LOXL4: variants seen among roughly 807,000 people sequenced by gnomAD.
LOXL4 encodes the protein lysyl oxidase homolog 4.
Under a neutral mutation model 89.1 loss-of-function variants are expected in LOXL4, and 72 were observed. The ratio of observed to expected loss-of-function variants is 0.81; its 90% CI spans 0.67 to 0.98. The LOEUF (loss-of-function observed/expected upper bound fraction) is 0.98. Ranked by LOEUF, LOXL4 falls within the 50% of genes least tolerant of loss-of-function variation. The probability of loss-of-function intolerance (pLI) is 0.00; values close to 1 mark genes in which losing one functional copy is unlikely to be tolerated. For missense variants in LOXL4, 984 were observed against 1,017.5 expected (o/e 0.97, Z 0.45); for synonymous variants, 355 against 392.1 (o/e 0.91, Z 1.12).
At chr10:98,251,844 A>G (rs1405392683) in intron 12 of LOXL4, 142 bp from the exon 13 acceptor site, 5 of 940,104 alleles carry the variant, frequency 5.3e-6, no homozygotes, top group Non-Finnish European at 7.7e-6. Flanking sequence ...TGAATCCAGC[A>G]CCATAGCAAA....
intron 1 of LOXL4, among the ~76,000 whole-genome samples, chr10:98,263,986 C>T (rs954078048): frequency 6.6e-6 from 1 of 151,956 alleles, no homozygotes; most frequent in Admixed American, 6.6e-5. Context: ...CCGCCTTGGC[C>T]TCCCAAAGTG....
intron 10 of LOXL4, among the ~76,000 whole-genome samples, chr10:98,254,511 A>G (rs186594099): frequency 6.6e-6 from 1 of 152,334 alleles, no homozygotes; most frequent in African/African-American, 2.4e-5. Context: ...CCACTGACAA[A>G]CCTAGAGTTT....
Position 98,262,763 on chromosome 10 carries a change from G to A in LOXL4, c.257C>T (p.Ala86Val). The change falls in exon 2 of 15, where the codon GCC becomes GTC. Residue 86 changes from alanine (A) to valine (V), a missense_variant. Transcript: ENST00000260702. ...CTCACCCTCCCCTTGGCCGTACTTG[G>A]CACTGTGGGCCCAGGTCAAGGCAGC... is the stretch of plus-strand genomic sequence containing the variant. The part of the protein sequence containing the change: ...FEAALTWAHS[A>V]KYGQGEGPIW... 1 of 1,613,148 alleles carries A rather than the reference G, an allele frequency of 6.2e-7. No individual in the cohort carries two copies. Among genetic ancestry groups the A allele is most frequent in the Non-Finnish European group, 8.5e-7 (1 of 1,179,892 alleles).
intron 14 of LOXL4, among the ~76,000 whole-genome samples, chr10:98,249,401 A>G (rs1030357180): frequency 2.0e-5 from 3 of 152,058 alleles, no homozygotes; most frequent in African/African-American, 7.2e-5. Flanking sequence ...TCCTTCCCCT[A>G]CTTTGGCCCT....
chr10:98,266,193 G>A (rs1858681452), intron 1 of LOXL4, among the ~76,000 whole-genome samples: 1 of 152,170 alleles, frequency 6.6e-6, no homozygotes, highest in African/African-American at 2.4e-5. Flanking sequence ...TCAGCTATTA[G>A]GACCCAGTGG....
chr10:98,253,848 T>G (rs756514953), intron 10 of LOXL4, 52 bp from the exon 11 acceptor site: 7 of 1,607,962 alleles, frequency 4.4e-6, no homozygotes, highest in Non-Finnish European at 5.9e-6. Flanking sequence ...AGGCAGCCAG[T>G]CTTAGTCTCC....
chr10:98,260,221 C>T (rs546818793), intron 4 of LOXL4, among the ~76,000 whole-genome samples: 1 of 152,324 alleles, frequency 6.6e-6, no homozygotes, highest in African/African-American at 2.4e-5. Context: ...CTCACTTACA[C>T]ACAACCCAGT....
chr10:98,260,972 G>T lies in LOXL4; in HGVS notation c.612C>A (p.Cys204Ter), dbSNP rs778782990. The change falls in exon 4 of 15, where the codon TGC becomes TGA. Residue 204 changes from cysteine (C) to a stop codon, truncating the protein, a stop_gained. Coordinates refer to ENST00000260702, the MANE Select transcript of LOXL4 (RefSeq NM_032211.7). LOFTEE classifies it high-confidence loss of function. Reference protein sequence around the residue: ...GWTMNNSRVVCGMLGFPSEVP... With the variant: ...GWTMNNSRVV ...CCTCGCTGGGGAAGCCCAGCATCCC[G>T]CACACCACCCTGCTGTTGTTCATGG... 2 of 1,613,746 alleles carry T rather than the reference G, an allele frequency of 1.2e-6. No homozygotes were observed. Among genetic ancestry groups the T allele is most frequent in the South Asian group, 2.2e-5 (2 of 91,060 alleles).
At position 98,259,929 on chromosome 10, in the gene LOXL4, A is replaced by T. The variant is rs139803744; in HGVS notation, c.663-500T>A. On this transcript the variant is annotated intron_variant, in intron 4 of 14. Coordinates refer to ENST00000260702, the MANE Select transcript of LOXL4 (RefSeq NM_032211.7). The stretch of plus-strand genomic sequence containing the variant: ...AGGATGGAGCCAGAGGCTGACCAGC[A>T]CCCCTGTTTCCTCAGAACGGGGTTC... Among the ~76,000 whole-genome samples the T allele has an allele frequency of 7.8e-3, 1,182 of 152,236 alleles. 9 individuals carry two copies. The highest frequency in any genetic ancestry group is 0.013 in the Non-Finnish European group (872 of 68,014).
chr10:98,262,085 G>T lies in LOXL4; in HGVS notation c.406C>A (p.Arg136Ser), dbSNP rs74153546. The change falls in exon 3 of 15, where the codon CGC (arginine) becomes AGC (serine). Residue 136 changes from arginine to serine, a missense_variant. Arg to Ser is a moderately radical substitution (Grantham distance 110). Coordinates refer to ENST00000260702, the MANE Select transcript of LOXL4 (RefSeq NM_032211.7). ...GTTTCAGAAAGGTAGCCACGATGGCGCCGGGGGTGGCATATCACCCCTACG... is the reference window on the plus strand; with the variant it reads ...GTTTCAGAAAGGTAGCCACGATGGCTCCGGGGGTGGCATATCACCCCTACG... Reference protein sequence around the residue: ...EDVGVICHPRRHRGYLSETVS... With the variant: ...EDVGVICHPRSHRGYLSETVS... The T allele has an allele frequency of 8.5e-4, 1,376 of 1,612,232 alleles. 12 individuals are homozygous for T. In the African/African-American group the frequency reaches 0.017, roughly 20 times the overall value.
At position 98,248,579 on chromosome 10, in the gene LOXL4, G is replaced by A. The variant is rs1290901364; in HGVS notation, c.*342C>T. 5 of 278,782 alleles carry A rather than the reference G, an allele frequency of 1.8e-5. No individual in the cohort carries two copies. The East Asian group carries it at 3.4e-4, about 19-fold the overall frequency. 17.3% of individuals were successfully genotyped at this position (278,782 alleles called of 1,614,324 possible). ...AAGCACCACTTAGATGGGGGACTGG[G>A]CCATAGTCCATCCCTAAGAAACTGA... On this transcript the variant is annotated 3_prime_UTR_variant, in exon 15 of 15. Coordinates refer to ENST00000260702, the MANE Select transcript of LOXL4 (RefSeq NM_032211.7).
chr10:98,259,924 C>T lies in LOXL4; in HGVS notation c.663-495G>A, dbSNP rs150795955. On this transcript the variant is annotated intron_variant, in intron 4 of 14. Coordinates refer to ENST00000260702, the MANE Select transcript of LOXL4 (RefSeq NM_032211.7). ...CCCCAAGGATGGAGCCAGAGGCTGA[C>T]CAGCACCCCTGTTTCCTCAGAACGG... Among the ~76,000 whole-genome samples the T allele has an allele frequency of 2.7e-3, 411 of 152,256 alleles. 1 individual carries two copies. The highest frequency in any genetic ancestry group is 9.2e-3 in the African/African-American group (382 of 41,518).
intron 1 of LOXL4, 33 bp from the exon 2 acceptor site, chr10:98,263,084 A>G (rs1370794609): frequency 9.0e-6 from 14 of 1,555,494 alleles, no homozygotes; most frequent in African/African-American, 2.7e-5. Context: ...AGTGATCACC[A>G]CCTCTACCCA....
intron 11 of LOXL4, 66 bp downstream of exon 11, chr10:98,253,487 A>C (rs3750599): frequency 0.35 from 565,907 of 1,604,798 alleles, 101,537 homozygotes; most frequent in East Asian, 0.5. Flanking sequence ...GGAAGGGCCA[A>C]ACTGCTCCCT....
rs940254028 is a variant in LOXL4 at position 98,251,104 on chromosome 10, A to G, written c.2161T>C (p.Tyr721His). Reference protein sequence around the residue: ...SNNMLQCRCKYDGHRVWLHNC... With the variant: ...SNNMLQCRCKHDGHRVWLHNC... ...TGCAGCCAGACCCGGTGCCCATCATACTTGCAGCGGCACTGCAGCATATTG... is the reference window on the plus strand; with the variant it reads ...TGCAGCCAGACCCGGTGCCCATCATGCTTGCAGCGGCACTGCAGCATATTG... Residue 721 changes from tyrosine (Y) to histidine (H), a missense_variant, in exon 14 of 15, where the codon TAT becomes CAT. Tyr to His is a moderately conservative substitution (Grantham distance 83). Coordinates refer to ENST00000260702, the MANE Select transcript of LOXL4 (RefSeq NM_032211.7). The G allele has an allele frequency of 8.1e-6, 13 of 1,614,024 alleles. No individual in the cohort carries two copies. The highest frequency in any genetic ancestry group is 5.3e-5 in the African/African-American group (4 of 74,934).
In LOXL4 at chr10:98,253,540, G is replaced by T. The variant is rs1304947287; in HGVS notation, c.1835+13C>A. On this transcript the variant is annotated intron_variant, in intron 11 of 14. Coordinates refer to ENST00000260702, the MANE Select transcript of LOXL4 (RefSeq NM_032211.7). Reference sequence around the variant, plus strand: ...CCTAACCCTCTAGTGCCAATGCATGGGCAGGCTCTAACCTGTGGCACTGGT... The same window carrying T: ...CCTAACCCTCTAGTGCCAATGCATGTGCAGGCTCTAACCTGTGGCACTGGT... The T allele has an allele frequency of 5.6e-6, 9 of 1,614,192 alleles. No individual in the cohort carries two copies. Among genetic ancestry groups the T allele is most frequent in the Non-Finnish European group, 7.6e-6 (9 of 1,180,038 alleles).
rs762913756 is a variant in LOXL4, at chr10:98,259,219, G to A, written c.711C>T (p.Ser237=). Residue 237 remains serine (S), a synonymous_variant, in exon 6 of 15, where the codon AGC becomes AGT. Coordinates refer to ENST00000260702, the MANE Select transcript of LOXL4 (RefSeq NM_032211.7). ...KMRDPKSRLK[S]LTNKNSFWIH... ...TCCAGAAGGAGTTCTTATTCGTCAG[G>A]CTCTTCAGCCTAGAGGACAAGGGAG... The A allele has an allele frequency of 3.1e-6, 5 of 1,610,658 alleles. No individual in the cohort carries two copies. In the African/African-American group the frequency reaches 5.3e-5, roughly 17 times the overall value.
intron 8 of LOXL4, 137 bp downstream of exon 8, chr10:98,257,513 G>A (rs1485453123): frequency 1.8e-6 from 2 of 1,081,174 alleles, no homozygotes; most frequent in African/African-American, 1.6e-5. Context: ...GGCTCTAAGG[G>A]AAGGCAGACT....
intron 3 of LOXL4, among the ~76,000 whole-genome samples, chr10:98,261,743 C>T (rs1191560889): frequency 1.3e-5 from 2 of 152,224 alleles, no homozygotes; most frequent in African/African-American, 2.4e-5. Flanking sequence ...GCAATTGTGG[C>T]CAGGCCTCAT....
Sources: allele counts gnomAD v4.1 joint callset (sites outside exome capture counted in the v4.1 genomes callset), GRCh38; gene constraint gnomAD v4.1.1; transcripts MANE v1.5; gene names NCBI Gene and HGNC (gene_info 2026-07-23, HGNC 2026-07-21).